Variants in SAP130 observed in about 807,000 individuals in gnomAD.
SAP130 encodes the protein histone deacetylase complex subunit SAP130.
Under a neutral mutation model 103.2 loss-of-function variants are expected in SAP130, and 16 were observed. That is an observed-to-expected ratio of 0.16 (90% CI 0.10 to 0.24). The LOEUF (loss-of-function observed/expected upper bound fraction) is 0.24. Ranked by LOEUF, SAP130 falls within the 10% of genes least tolerant of loss-of-function variation. The pLI, the probability that SAP130 is intolerant of heterozygous loss-of-function variation, is 1.00. For synonymous variants in SAP130, 477 were observed against 497.0 expected (o/e 0.96, Z 0.53); for missense variants, 990 against 1,359.7 (o/e 0.73, Z 4.28).
chr2:127,993,463 C>T (rs992251125), intron 11 of SAP130, among the ~76,000 whole-genome samples, 155 bp from the exon 12 acceptor site: 1 of 150,794 alleles, frequency 6.6e-6, no homozygotes, highest in Admixed American at 6.6e-5. Flanking sequence ...ACAGGACACA[C>T]ACCAAGAATG....
intron 10 of SAP130, 136 bp downstream of exon 10, chr2:127,999,605 G>C: frequency 2.3e-6 from 1 of 437,752 alleles, no homozygotes. Flanking sequence ...CTTAAGGAAA[G>C]AAAAAGAAAA....
chr2:127,947,764 CTGTGTGTG>C (rs1553500423), intron 18 of SAP130, among the ~76,000 whole-genome samples: 9 of 143,310 alleles, frequency 6.3e-5, no homozygotes, highest in African/African-American at 1.6e-4. Flanking sequence ...TTGTGTGTGT[CTGTGTGTG>C]TGTGTGTGTG....
chr2:128,011,876 G>C (rs938475435), intron 6 of SAP130, among the ~76,000 whole-genome samples: 9 of 152,140 alleles, frequency 5.9e-5, no homozygotes, highest in Non-Finnish European at 1.3e-4. Flanking sequence ...GCAGTGGCAC[G>C]ATCTTGGCTC....
At position 127,996,188 on chromosome 2, in the gene SAP130, G is replaced by A. The variant is rs184097862; in HGVS notation, c.1355+162C>T. ...AAAGGAGACTGGCTTGAAAAAAATC[G>A]CACATAAAAAAAGGAATTATACGAA... On this transcript the variant is annotated intron_variant, in intron 11 of 20. Transcript: ENST00000643581. The surrounding 1 kb of genome is among the most constrained non-coding windows in gnomAD (Gnocchi z 4.3). 3.6e-4 allele frequency among the ~76,000 whole-genome samples: 55 copies of A among 151,708 alleles called. No homozygotes were observed. Among genetic ancestry groups the A allele is most frequent in the African/African-American group, 1.3e-3 (53 of 41,422 alleles).
At chr2:127,971,430 C>G (rs1256075595) in intron 15 of SAP130, among the ~76,000 whole-genome samples, 1 of 152,078 alleles carries the variant, frequency 6.6e-6, no homozygotes, top group Non-Finnish European at 1.5e-5. Flanking sequence ...GGACTACCGG[C>G]ACCCGCCACC....
chr2:128,014,225 A>AT (rs1326293582), intron 5 of SAP130, among the ~76,000 whole-genome samples: 3 of 140,716 alleles, frequency 2.1e-5, no homozygotes. Context: ...CTGTCTTGCG[A>AT]TTTTTTTTCT....
chr2:127,990,277 C>G (rs1010166213), intron 12 of SAP130, among the ~76,000 whole-genome samples: 1 of 151,574 alleles, frequency 6.6e-6, no homozygotes, highest in Non-Finnish European at 1.5e-5. Flanking sequence ...TTATGAATTT[C>G]AAATGGCATG....
At chr2:127,945,756 G>A (rs1401803045) in intron 18 of SAP130, among the ~76,000 whole-genome samples, 197 bp from the exon 19 acceptor site, 4 of 152,066 alleles carry the variant, frequency 2.6e-5, no homozygotes, top group Non-Finnish European at 5.9e-5. Context: ...AGGCTCAAAT[G>A]ATTCTCCCAC....
chr2:128,021,908 C>G (rs542608476), intron 2 of SAP130, among the ~76,000 whole-genome samples: 1 of 152,150 alleles, frequency 6.6e-6, no homozygotes, highest in Non-Finnish European at 1.5e-5. Flanking sequence ...TCATATATAT[C>G]TTCTTTAGTG....
chr2:127,942,277 T>C lies in SAP130; in HGVS notation c.3016-113A>G, dbSNP rs1559022334. ...GTTGAGGCTTCCACAACAGAGAAAA[T>C]GTCTTTTTGTTTCTCAGGAGTGCAG... is the stretch of plus-strand genomic sequence containing the variant. On this transcript the variant is annotated intron_variant, in intron 20 of 20. Transcript: ENST00000643581. The surrounding 1 kb of genome is among the most constrained non-coding windows in gnomAD (Gnocchi z 4.8). 6.8e-6 allele frequency: 8 copies of C among 1,178,874 alleles called. No individual in the cohort carries two copies. The highest frequency in any genetic ancestry group is 9.7e-6 in the Non-Finnish European group (8 of 823,320). 73.0% of individuals were successfully genotyped at this position (1,178,874 alleles called of 1,614,324 possible).
intron 2 of SAP130, among the ~76,000 whole-genome samples, chr2:128,020,518 G>A (rs1369306068): frequency 1.2e-4 from 18 of 152,096 alleles, no homozygotes; most frequent in African/African-American, 4.8e-5. Context: ...TATATAGTAC[G>A]ACACACGAGT....
chr2:127,963,245 T>C (rs1382029378), intron 15 of SAP130, among the ~76,000 whole-genome samples: 1 of 152,154 alleles, frequency 6.6e-6, no homozygotes, highest in Non-Finnish European at 1.5e-5. Context: ...CTCTCTCTTA[T>C]TAAAGACAGG....
At chr2:127,966,726 C>T (rs1680689270) in intron 15 of SAP130, among the ~76,000 whole-genome samples, 1 of 152,064 alleles carries the variant, frequency 6.6e-6, no homozygotes, top group Non-Finnish European at 1.5e-5. Context: ...AAAAAGGACC[C>T]TCTGTGTTTT....
At position 127,945,578 on chromosome 2, in the gene SAP130, A is replaced by C. The variant is rs749061421; in HGVS notation, c.2798-19T>G. 52 of 1,395,596 alleles carry C rather than the reference A, an allele frequency of 3.7e-5. No individual in the cohort carries two copies. Among genetic ancestry groups the C allele is most frequent in the Non-Finnish European group, 5.3e-5 (52 of 981,718 alleles). The allele number at this position is 1,395,596 out of a possible 1,614,324, so 86.5% of individuals were successfully genotyped here. On this transcript the variant is annotated intron_variant, in intron 18 of 20. Coordinates refer to ENST00000643581, the MANE Select transcript of SAP130 (RefSeq NM_001330301.2). ...TTCTCCTCTGGAACCATAAAAAATAAAAATACATGTATTTCAGTGTTTAAA... is the reference window on the plus strand; with the variant it reads ...TTCTCCTCTGGAACCATAAAAAATACAAATACATGTATTTCAGTGTTTAAA...
rs370367770 is a variant in SAP130, at chr2:127,945,442, A to G, written c.2901+14T>C. The G allele has an allele frequency of 3.3e-6, 5 of 1,511,188 alleles. No homozygotes were observed. Among genetic ancestry groups the G allele is most frequent in the Non-Finnish European group, 4.6e-6 (5 of 1,086,144 alleles). The allele number at this position is 1,511,188 out of a possible 1,614,324, so 93.6% of individuals were successfully genotyped here. A position where few individuals can be genotyped will look rare whatever the true frequency, so the allele number is the denominator to read the frequency against. ...CTCTTCAGCATGATGAACAACTGCTAGAACTCCACCTACCAGCTGTAGTAA... is the reference window on the plus strand; with the variant it reads ...CTCTTCAGCATGATGAACAACTGCTGGAACTCCACCTACCAGCTGTAGTAA... On this transcript the variant is annotated intron_variant, in intron 19 of 20. Transcript: ENST00000643581.
At chr2:128,020,517 C>T (rs750346827) in intron 2 of SAP130, among the ~76,000 whole-genome samples, 6 of 152,260 alleles carry the variant, frequency 3.9e-5, no homozygotes, top group Admixed American at 6.5e-5. Context: ...GTATATAGTA[C>T]GACACACGAG....
chr2:128,007,540 T>G (rs1684062162), intron 7 of SAP130, among the ~76,000 whole-genome samples: 1 of 152,220 alleles, frequency 6.6e-6, no homozygotes, highest in Non-Finnish European at 1.5e-5. Flanking sequence ...AAAGTTAAAA[T>G]GAGCAACAAC....
chr2:128,000,777 T>TA (rs1683501575), intron 7 of SAP130, among the ~76,000 whole-genome samples: 1 of 152,108 alleles, frequency 6.6e-6, no homozygotes, highest in African/African-American at 2.4e-5. Context: ...CTCACACCTG[T>TA]AGACACAGTG....
At position 127,996,172 on chromosome 2, in the gene SAP130, T is replaced by G. The variant is rs191196991; in HGVS notation, c.1355+178A>C. Among the ~76,000 whole-genome samples, 1 of 152,124 alleles carries G rather than the reference T, an allele frequency of 6.6e-6. No homozygotes were observed. The highest frequency in any genetic ancestry group is 1.9e-4 in the East Asian group (1 of 5,184). On this transcript the variant is annotated intron_variant, in intron 11 of 20. Coordinates refer to ENST00000643581, the MANE Select transcript of SAP130 (RefSeq NM_001330301.2). The surrounding 1 kb of genome is among the most constrained non-coding windows in gnomAD (Gnocchi z 4.3). ...AGGAAAACATCCATCAAAAGGAGAC[T>G]GGCTTGAAAAAAATCGCACATAAAA...
Sources: gnomAD v4.1 joint callset for allele counts (sites outside exome capture counted in the v4.1 genomes callset) on GRCh38, gnomAD v4.1.1 for gene constraint, Gnocchi (gnomAD v3.1) non-coding constraint, MANE v1.5 for transcripts, NCBI Gene and HGNC (gene_info 2026-07-23, HGNC 2026-07-21) for gene names.